The following TRPM3 variants were observed in gnomAD, a reference collection of about 807,000 sequenced individuals.
The protein encoded by TRPM3 is long transient receptor potential channel 3.
In TRPM3, 77 loss-of-function variants were observed where a neutral mutation model predicts 181.2. The ratio of observed to expected loss-of-function variants is 0.42; its 90% CI spans 0.35 to 0.51. The LOEUF is 0.51. TRPM3 is among the 20% of genes least tolerant of loss of function. TRPM3 has a pLI of 0.01. For synonymous variants in TRPM3, 745 were observed against 796.4 expected, an observed-to-expected ratio of 0.94 and a Z score of 1.09; for missense variants, 1,759 against 2,196.7, an observed-to-expected ratio of 0.80 and a Z score of 3.98.
At chr9:71,194,055 T>C (rs952807164) in intron 1 of TRPM3, among the ~76,000 whole-genome samples, 2 of 151,998 alleles carry the variant, frequency 1.3e-5, no homozygotes, top group African/African-American at 4.8e-5. Flanking sequence ...TTGTTTTACA[T>C]TGTTTTACAT....
At chr9:70,861,429 G>C (rs1407287634) in intron 3 of TRPM3, among the ~76,000 whole-genome samples, 5 of 152,108 alleles carry the variant, frequency 3.3e-5, no homozygotes, top group Non-Finnish European at 7.4e-5. Flanking sequence ...ATGACCAGAG[G>C]CTTATCATAT....
At chr9:71,293,260 C>T (rs2085975313) in intron 1 of TRPM3, among the ~76,000 whole-genome samples, 1 of 151,666 alleles carries the variant, frequency 6.6e-6, no homozygotes. Context: ...ACTATCACTT[C>T]CTTACAACAT....
At chr9:70,869,021 C>A (rs959400311) in intron 1 of TRPM3, 32 of 985,052 alleles carry the variant, frequency 3.2e-5, no homozygotes, top group Non-Finnish European at 3.6e-5. Flanking sequence ...AAAAGCAGTC[C>A]CCGGAGCAGC....
intron 1 of TRPM3, among the ~76,000 whole-genome samples, chr9:70,901,021 T>C (rs546324913): frequency 2.6e-5 from 4 of 152,368 alleles, no homozygotes; most frequent in Admixed American, 2.0e-4. Flanking sequence ...AAATCACTGA[T>C]TGATTTGCCT....
At chr9:70,845,707 G>C (rs539768884) in intron 4 of TRPM3, among the ~76,000 whole-genome samples, 98 of 152,208 alleles carry the variant, frequency 6.4e-4, no homozygotes, top group African/African-American at 2.2e-3. Flanking sequence ...TTCAGGCTGG[G>C]GGAGTATGCC....
At chr9:70,648,397 G>A (rs1284523257) in intron 9 of TRPM3, among the ~76,000 whole-genome samples, 1 of 152,124 alleles carries the variant, frequency 6.6e-6, no homozygotes, top group Non-Finnish European at 1.5e-5. Context: ...GATCACTTGA[G>A]CCTGGGAGGT....
At chr9:70,738,514 A>C (rs1426380121) in intron 8 of TRPM3, among the ~76,000 whole-genome samples, 1 of 152,218 alleles carries the variant, frequency 6.6e-6, no homozygotes, top group Non-Finnish European at 1.5e-5. Flanking sequence ...ACTTCATAGC[A>C]TTAAAGCCTA....
At chr9:70,886,918 G>A (rs1564688757) in intron 1 of TRPM3, among the ~76,000 whole-genome samples, 1 of 152,148 alleles carries the variant, frequency 6.6e-6, no homozygotes, top group Non-Finnish European at 1.5e-5. Context: ...ACCTGCCTTG[G>A]CCACCCAAAG....
chr9:71,287,905 C>T (rs947613522), intron 1 of TRPM3, among the ~76,000 whole-genome samples: 1 of 152,030 alleles, frequency 6.6e-6, no homozygotes, highest in Non-Finnish European at 1.5e-5. Flanking sequence ...TCTTATTAAA[C>T]CCTTGCTCAG....
intron 1 of TRPM3, among the ~76,000 whole-genome samples, chr9:70,927,862 G>A (rs984498648): frequency 6.6e-5 from 10 of 152,152 alleles, no homozygotes; most frequent in African/African-American, 2.4e-4. Context: ...TCTATTCACA[G>A]CTCCAATGCA....
chr9:70,936,209 G>T (rs1257501305), intron 1 of TRPM3, among the ~76,000 whole-genome samples: 1 of 152,186 alleles, frequency 6.6e-6, no homozygotes, highest in Non-Finnish European at 1.5e-5. Flanking sequence ...AAATGAATAA[G>T]TAAATAGATG....
At chr9:70,889,412 C>A (rs1344224001) in intron 1 of TRPM3, among the ~76,000 whole-genome samples, 1 of 152,144 alleles carries the variant, frequency 6.6e-6, no homozygotes, top group Non-Finnish European at 1.5e-5. Flanking sequence ...TGGGCGAGGT[C>A]CCCGCCAACC....
chr9:70,791,020 G>C (rs1198633206), intron 6 of TRPM3, among the ~76,000 whole-genome samples: 1 of 152,138 alleles, frequency 6.6e-6, no homozygotes, highest in Non-Finnish European at 1.5e-5. Flanking sequence ...ATTTTAACTA[G>C]AATGTCTCTT....
intron 3 of TRPM3, among the ~76,000 whole-genome samples, chr9:70,856,812 T>C (rs1023267943): frequency 7.2e-5 from 11 of 152,214 alleles, no homozygotes; most frequent in Non-Finnish European, 1.5e-4. Context: ...GAGAATTATG[T>C]GGGTGACTTG....
chr9:71,130,162 G>C (rs961939742), intron 1 of TRPM3, among the ~76,000 whole-genome samples: 1 of 152,068 alleles, frequency 6.6e-6, no homozygotes, highest in South Asian at 2.1e-4. Context: ...ACTCAACCAA[G>C]TTTACACTGT....
intron 1 of TRPM3, among the ~76,000 whole-genome samples, chr9:70,890,147 A>G (rs2132833046): frequency 6.6e-6 from 1 of 150,406 alleles, no homozygotes; most frequent in South Asian, 2.1e-4. Context: ...AGCCTCAGAG[A>G]ACTAAAGAAG....
At chr9:70,966,037 CAA>C (rs201624720) in intron 1 of TRPM3, among the ~76,000 whole-genome samples, 1,942 of 127,808 alleles carry the variant, frequency 0.015, 26 homozygotes, top group East Asian at 0.084. Flanking sequence ...AACAAATTTA[CAA>C]AAAAAAAAAA....
chr9:71,282,071 G>GAAAGAAAGGAAA (rs1201613774), intron 1 of TRPM3, among the ~76,000 whole-genome samples: 1 of 29,350 alleles, frequency 3.4e-5, no homozygotes, highest in African/African-American at 1.8e-4. Context: ...GAGAAAGAAA[G>GAAAGAAAGGAAA]GAAAGAAAGG....
At position 70,671,050 on chromosome 9, in the gene TRPM3, A is replaced by G. The variant is rs144015200; in HGVS notation, c.1345+10456T>C. Among the ~76,000 whole-genome samples, 14 of 152,326 alleles carry G rather than the reference A, an allele frequency of 9.2e-5. No individual in the cohort carries two copies. The East Asian group carries it at 2.7e-3, about 29-fold the overall frequency. On this transcript the variant is annotated intron_variant, in intron 9 of 25. Coordinates refer to ENST00000677713, the MANE Select transcript of TRPM3 (RefSeq NM_001366145.2). ...TGCCAGGCACTGTGTATATGAGTAC[A>G]CTGTGGTAAGTAAAACAGGTGTGGT... is the stretch of plus-strand genomic sequence containing the variant.
Sources: allele counts gnomAD v4.1 joint callset (sites outside exome capture counted in the v4.1 genomes callset), GRCh38; gene constraint gnomAD v4.1.1; transcripts MANE v1.5; gene names NCBI Gene and HGNC (gene_info 2026-07-23, HGNC 2026-07-21).